TRHDE: variants seen among roughly 807,000 people sequenced by gnomAD.
The protein encoded by TRHDE is thyrotropin-releasing hormone-degrading ectoenzyme.
TRHDE carries 72 observed loss-of-function variants against 125.7 expected under a neutral mutation model. The observed-to-expected ratio is 0.57, with a 90% confidence interval of 0.47 to 0.70. TRHDE has a LOEUF of 0.70. TRHDE is among the 30% of genes least tolerant of loss of function. The probability of loss-of-function intolerance (pLI) is 0.00; values close to 1 mark genes in which losing one functional copy is unlikely to be tolerated. For synonymous variants in TRHDE, 509 were observed against 509.1 expected (o/e 1.00, Z 0.00); for missense variants, 1,110 against 1,327.1 (o/e 0.84, Z 2.54).
intron 2 of TRHDE, among the ~76,000 whole-genome samples, chr12:72,196,105 C>T (rs1877437187): frequency 6.6e-6 from 1 of 152,096 alleles, no homozygotes; most frequent in Non-Finnish European, 1.5e-5. Flanking sequence ...TGTACCAGTA[C>T]CATGTTGTAT....
chr12:72,607,552 TTTATTTTTCAGTTTCAAAAC>T (rs1375582033), intron 12 of TRHDE, among the ~76,000 whole-genome samples: 1 of 152,156 alleles, frequency 6.6e-6, no homozygotes, highest in Non-Finnish European at 1.5e-5. Context: ...GATGGTTTTC[TTTATTTTTCAGTTTCAAAAC>T]TAATGAGCCA....
intron 2 of TRHDE, among the ~76,000 whole-genome samples, chr12:72,171,822 A>G (rs2139335772): frequency 6.6e-6 from 1 of 152,192 alleles, no homozygotes; most frequent in Middle Eastern, 3.4e-3. Context: ...TATGAGTCAT[A>G]TTGTCACCTG....
chr12:72,354,940 T>G (rs145905742), intron 2 of TRHDE, among the ~76,000 whole-genome samples: 1 of 151,326 alleles, frequency 6.6e-6, no homozygotes, highest in African/African-American at 2.4e-5. Flanking sequence ...TACTATGAGA[T>G]AGGAATTTGC....
chr12:72,305,560 A>G (rs189038703), intron 2 of TRHDE, among the ~76,000 whole-genome samples: 38 of 152,356 alleles, frequency 2.5e-4, no homozygotes, highest in African/African-American at 8.9e-4. Flanking sequence ...AGCATTTTCA[A>G]TAGGATTCAC....
chr12:72,335,181 A>G (rs779058625), intron 2 of TRHDE, among the ~76,000 whole-genome samples: 1 of 152,192 alleles, frequency 6.6e-6, no homozygotes, highest in Non-Finnish European at 1.5e-5. Flanking sequence ...ACATAAAATT[A>G]TAAAAATTCA....
At chr12:72,134,226 C>T (rs557888398) in intron 2 of TRHDE, among the ~76,000 whole-genome samples, 1 of 152,216 alleles carries the variant, frequency 6.6e-6, no homozygotes, top group East Asian at 1.9e-4. Flanking sequence ...CCCCTAAGTT[C>T]ATTTCTGGAC....
At chr12:72,602,172 C>T (rs1370420067) in intron 12 of TRHDE, among the ~76,000 whole-genome samples, 3 of 152,002 alleles carry the variant, frequency 2.0e-5, no homozygotes, top group Non-Finnish European at 4.4e-5. Context: ...TTCTATTTCC[C>T]TGATTTCCCA....
At chr12:72,285,748 T>C (rs1879861891) in intron 1 of TRHDE, among the ~76,000 whole-genome samples, 2 of 152,130 alleles carry the variant, frequency 1.3e-5, no homozygotes, top group South Asian at 4.1e-4. Context: ...CCCGATCTCT[T>C]AACCTCATAA....
chr12:72,204,880 G>A (rs2139357373), intron 2 of TRHDE, among the ~76,000 whole-genome samples: 1 of 152,200 alleles, frequency 6.6e-6, no homozygotes. Context: ...AAAAACAGCT[G>A]TTCAAAGTTT....
chr12:72,264,492 A>G (rs953128126), intron 2 of TRHDE: 4 of 152,060 alleles, frequency 2.6e-5, no homozygotes, highest in Non-Finnish European at 5.9e-5. Context: ...GTTATGCAAG[A>G]TAAGTTTAGT....
chr12:72,373,425 A>G (rs901974837), intron 2 of TRHDE, among the ~76,000 whole-genome samples: 10 of 152,092 alleles, frequency 6.6e-5, no homozygotes, highest in Non-Finnish European at 1.3e-4. Context: ...TTCCAACACT[A>G]TGTTGAATAG....
intron 2 of TRHDE, among the ~76,000 whole-genome samples, chr12:72,122,568 A>G (rs1049694377): frequency 2.6e-5 from 4 of 152,074 alleles, no homozygotes; most frequent in Non-Finnish European, 5.9e-5. Flanking sequence ...TTTTTCAAAT[A>G]ATGATACTAT....
intron 2 of TRHDE, among the ~76,000 whole-genome samples, chr12:72,361,610 G>A (rs909271412): frequency 6.0e-5 from 9 of 150,062 alleles, no homozygotes; most frequent in Non-Finnish European, 1.2e-4. Flanking sequence ...CGTGCACAAT[G>A]TGCAGGTTAG....
intron 2 of TRHDE, among the ~76,000 whole-genome samples, chr12:72,289,783 G>A (rs1286100888): frequency 7.2e-5 from 11 of 152,290 alleles, no homozygotes. Context: ...ATGTCAGAGA[G>A]TGATATATGC....
chr12:72,387,296 C>T (rs1436675903), intron 3 of TRHDE, among the ~76,000 whole-genome samples: 1 of 152,316 alleles, frequency 6.6e-6, no homozygotes, highest in East Asian at 1.9e-4. Flanking sequence ...CCTTTTGGCT[C>T]CACACTCTAA....
intron 2 of TRHDE, among the ~76,000 whole-genome samples, chr12:72,166,328 CACATATACACAT>C (rs1425081570): frequency 2.0e-5 from 3 of 152,168 alleles, no homozygotes; most frequent in African/African-American, 7.2e-5. Context: ...TACACACACA[CACATATACACAT>C]ATATACACAT....
In TRHDE at chr12:72,582,335, A is replaced by AT. The variant is rs199513128; in HGVS notation, c.2321+6803dup. The AT allele has an allele frequency of 7.0e-4, 666 of 952,552 alleles. 1 individual carries two copies. The highest frequency in any genetic ancestry group is 2.7e-3 in the Middle Eastern group (5 of 1,854). 59.0% of individuals were successfully genotyped at this position (952,552 alleles called of 1,614,324 possible). A position where few individuals can be genotyped will look rare whatever the true frequency, so the allele number is the denominator to read the frequency against. On this transcript the variant is annotated intron_variant, in intron 12 of 18. Transcript: ENST00000261180. The stretch of plus-strand genomic sequence containing the variant: ...ATGAGAACATTTCAAAAACTTACAG[A>AT]TTTTTTTTTTCATTTCTGAGCCTGG...
At chr12:72,248,758 G>A (rs1878624828) in intron 2 of TRHDE, among the ~76,000 whole-genome samples, 2 of 152,168 alleles carry the variant, frequency 1.3e-5, no homozygotes, top group South Asian at 4.2e-4. Context: ...CAGAACCAGA[G>A]GTGGAATTCT....
chr12:72,585,240 TTTCTC>T (rs1321316892), intron 12 of TRHDE, among the ~76,000 whole-genome samples: 1 of 152,194 alleles, frequency 6.6e-6, no homozygotes, highest in African/African-American at 2.4e-5. Context: ...CATTTCGTCT[TTTCTC>T]TTTCTTCTTT....
Sources: allele counts gnomAD v4.1 joint callset (sites outside exome capture counted in the v4.1 genomes callset), GRCh38; gene constraint gnomAD v4.1.1; transcripts MANE v1.5; gene names NCBI Gene and HGNC (gene_info 2026-07-23, HGNC 2026-07-21).